FIGNL1: variants seen among roughly 807,000 people sequenced by gnomAD.
The protein encoded by FIGNL1 is fidgetin-like protein 1.
FIGNL1 carries 11 observed loss-of-function variants against 28.9 expected under a neutral mutation model. The ratio of observed to expected loss-of-function variants is 0.38; its 90% CI spans 0.24 to 0.63. The LOEUF is 0.63. Among genes scored for constraint, FIGNL1 ranks in the 20% least tolerant of loss-of-function variants. The pLI is 0.57. For synonymous variants in FIGNL1, 295 were observed against 276.5 expected (o/e 1.07, Z -0.66); for missense variants, 789 against 810.4 (o/e 0.97, Z 0.32).
chr7:50,446,865 C>G lies in FIGNL1; in HGVS notation c.423G>C (p.Lys141Asn). ...TAGGAAGATCAAAGACAGTGGCCTCCTTATGGATTACCACTGATGCAAGAG... is the reference window on the plus strand; with the variant it reads ...TAGGAAGATCAAAGACAGTGGCCTCGTTATGGATTACCACTGATGCAAGAG... ...EPALASVVIHKEATVFDLPKF... is the reference protein window; with the variant it reads ...EPALASVVIHNEATVFDLPKF... The change falls in exon 4 of 4, where the codon AAG (lysine) becomes AAC (asparagine). Residue 141 changes from lysine to asparagine, a missense_variant. Coordinates refer to ENST00000433017, the MANE Select transcript of FIGNL1 (RefSeq NM_001287492.4). The G allele has an allele frequency of 6.2e-7, 1 of 1,614,146 alleles. No homozygotes were observed.
chr7:50,447,214 A>G lies in FIGNL1; in HGVS notation c.74T>C (p.Ile25Thr). ...QKNYFAITSG[I>T]CTGPKADAYR... ...TGCATCTGCCTTCGGTCCGGTACAT[A>G]TGCCAGATGTAATTGCGAAGTAATT... Residue 25 changes from isoleucine (I) to threonine (T), a missense_variant, in exon 4 of 4, where the codon ATA (isoleucine) becomes ACA (threonine). Physicochemically the swap from Ile to Thr is moderately conservative, Grantham distance 89. Coordinates refer to ENST00000433017, the MANE Select transcript of FIGNL1 (RefSeq NM_001287492.4). 2.5e-6 allele frequency: 4 copies of G among 1,612,930 alleles called. No individual in the cohort carries two copies. The highest frequency in any genetic ancestry group is 2.7e-5 in the African/African-American group (2 of 75,066).
Position 50,446,809 on chromosome 7 carries a change from C to G in FIGNL1, c.479G>C (p.Ser160Thr), listed in dbSNP as rs754254246. 5 of 1,614,102 alleles carry G rather than the reference C, an allele frequency of 3.1e-6. No homozygotes were observed. In the East Asian group the frequency reaches 1.1e-4, roughly 36 times the overall value. Reference sequence around the variant, plus strand: ...ATGAGCTGAGTTAGGTAATGAGTCACTCTCTTGAGAACTACCACAAACACT... The same window carrying G: ...ATGAGCTGAGTTAGGTAATGAGTCAGTCTCTTGAGAACTACCACAAACACT... The part of the protein sequence containing the change: ...KFSVCGSSQE[S>T]DSLPNSAHDR... Residue 160 changes from serine to threonine, a missense_variant, in exon 4 of 4, where the codon AGT becomes ACT. Physicochemically the swap from Ser to Thr is moderately conservative, Grantham distance 58. Coordinates refer to ENST00000433017, the MANE Select transcript of FIGNL1 (RefSeq NM_001287492.4).
At position 50,446,076 on chromosome 7, in the gene FIGNL1, T is replaced by C. The variant is rs564355699; in HGVS notation, c.1212A>G (p.Ala404=). 3.1e-6 allele frequency: 5 copies of C among 1,614,206 alleles called. No homozygotes were observed. In the African/African-American group the frequency reaches 6.7e-5, roughly 22 times the overall value. ...TGGTGGCTTTAGCAAATTCTACTCC[T>C]GCAATATCTTCCCAATTTACTGGAG... The part of the protein sequence containing the change: ...HGPPVNWEDI[A]GVEFAKATIK... Residue 404 remains alanine, a synonymous_variant, in exon 4 of 4, where the codon GCA becomes GCG. Transcript: ENST00000433017.
chr7:50,447,760 G>A (rs1031615411), intron 3 of FIGNL1, among the ~76,000 whole-genome samples: 5 of 151,888 alleles, frequency 3.3e-5, no homozygotes, highest in African/African-American at 1.2e-4. Context: ...TTTTGAGACA[G>A]TGTCTCGCTC....
In FIGNL1 at chr7:50,445,357, A is replaced by G. The variant is rs199556436; in HGVS notation, c.1931T>C (p.Phe644Ser). ...TCGCACAGTTCTAAAAGCATTTTCA[A>G]AATCAATGTAAGCTATGGGTCGAAC... Reference protein sequence around the residue: ...DQVRPIAYIDFENAFRTVRPS... With the variant: ...DQVRPIAYIDSENAFRTVRPS... The change falls in exon 4 of 4, where the codon TTT becomes TCT. Residue 644 changes from phenylalanine (F) to serine (S), a missense_variant. Physicochemically the swap from Phe to Ser is radical, Grantham distance 155. Transcript: ENST00000433017. The G allele has an allele frequency of 1.9e-6, 3 of 1,614,018 alleles. No individual in the cohort carries two copies. The highest frequency in any genetic ancestry group is 2.5e-6 in the Non-Finnish European group (3 of 1,180,022).
chr7:50,445,189 C>T lies in FIGNL1; in HGVS notation c.*74G>A. Reference sequence around the variant, plus strand: ...AATATATTCTTAAAAATACAATTAACACATCCCCAACTTTCTATGCTAAAA... The same window carrying T: ...AATATATTCTTAAAAATACAATTAATACATCCCCAACTTTCTATGCTAAAA... On this transcript the variant is annotated 3_prime_UTR_variant, in exon 4 of 4. Transcript: ENST00000433017. The T allele has an allele frequency of 1.1e-6, 1 of 881,968 alleles. No individual in the cohort carries two copies. The highest frequency in any genetic ancestry group is 1.7e-6 in the Non-Finnish European group (1 of 598,740). The allele number at this position is 881,968 out of a possible 1,614,324, so 54.6% of individuals were successfully genotyped here. A position where few individuals can be genotyped will look rare whatever the true frequency, so the allele number is the denominator to read the frequency against.
chr7:50,447,309 A>G lies in FIGNL1; in HGVS notation c.-10-12T>C. ...GCATTTTAGAGGTTCTATAACAAACAATAAAAATGAAAATCAGTATGAAGG... is the reference window on the plus strand; with the variant it reads ...GCATTTTAGAGGTTCTATAACAAACGATAAAAATGAAAATCAGTATGAAGG... On this transcript the variant is annotated splice_polypyrimidine_tract_variant and intron_variant, in intron 3 of 3. Coordinates refer to ENST00000433017, the MANE Select transcript of FIGNL1 (RefSeq NM_001287492.4). 1 of 1,499,050 alleles carries G rather than the reference A, an allele frequency of 6.7e-7. No individual in the cohort carries two copies. Among genetic ancestry groups the G allele is most frequent in the Non-Finnish European group, 9.0e-7 (1 of 1,117,056 alleles). 92.9% of individuals were successfully genotyped at this position (1,499,050 alleles called of 1,614,324 possible). A position where few individuals can be genotyped will look rare whatever the true frequency, so the allele number is the denominator to read the frequency against.
In FIGNL1 at chr7:50,446,675, C is replaced by A. The variant is rs746837397; in HGVS notation, c.613G>T (p.Ala205Ser). 2 of 1,614,214 alleles carry A rather than the reference C, an allele frequency of 1.2e-6. No homozygotes were observed. The highest frequency in any genetic ancestry group is 2.2e-5 in the East Asian group (1 of 44,884). Reference protein sequence around the residue: ...NTARTCPTFSAPVGESATAKF... With the variant: ...NTARTCPTFSSPVGESATAKF... ...GCAGTAGCTGACTCACCTACAGGTG[C>A]TGAGAATGTAGGACAAGTCCTAGCA... The change falls in exon 4 of 4, where the codon GCA (alanine) becomes TCA (serine). Residue 205 changes from alanine to serine, a missense_variant. By Grantham distance (99) the Ala-to-Ser change is moderately conservative. Transcript: ENST00000433017.
In FIGNL1 at chr7:50,445,506, T is replaced by C. The variant is rs537850096; in HGVS notation, c.1782A>G (p.Glu594=). ...EQCCLSEEEI[E]QIVQQSDAFS... ...ACGCATCAGACTGCTGTACAATCTG[T>C]TCAATTTCTTCTTCACTGAGGCAAC... The change falls in exon 4 of 4, where the codon GAA becomes GAG. Residue 594 remains glutamate (E), a synonymous_variant. Transcript: ENST00000433017. 1.2e-6 allele frequency: 2 copies of C among 1,614,198 alleles called. No homozygotes were observed. The highest frequency in any genetic ancestry group is 1.1e-5 in the South Asian group (1 of 91,076).
At position 50,449,419 on chromosome 7, in the gene FIGNL1, T is replaced by C. The variant is rs568013333; in HGVS notation, c.-421A>G. 6.6e-6 allele frequency: 1 copy of C among 152,364 alleles called. No individual in the cohort carries two copies. Among genetic ancestry groups the C allele is most frequent in the South Asian group, 2.1e-4 (1 of 4,830 alleles). The allele number at this position is 152,364 out of a possible 1,614,324, so 9.4% of individuals were successfully genotyped here. ...TTTGCCAATGTTCTGATTATTTTAA[T>C]AATGTCATTATCTGTCTTCCTAGAC... On this transcript the variant is annotated 5_prime_UTR_variant, in exon 2 of 4. Transcript: ENST00000433017.
At position 50,445,576 on chromosome 7, in the gene FIGNL1, G is replaced by A. The variant is rs771846933; in HGVS notation, c.1712C>T (p.Ser571Leu). The A allele has an allele frequency of 3.1e-6, 5 of 1,614,192 alleles. No homozygotes were observed. Among genetic ancestry groups the A allele is most frequent in the Non-Finnish European group, 4.2e-6 (5 of 1,180,040 alleles). ...KRLYIPLPEA[S>L]ARKQIVINLM... ...ATTAATTACTATCTGTTTCCTGGCT[G>A]AAGCTTCTGGGAGGGGAATATAAAG... The change falls in exon 4 of 4, where the codon TCA (serine) becomes TTA (leucine). Residue 571 changes from serine to leucine, a missense_variant. Transcript: ENST00000433017.
chr7:50,445,284 T>G lies in FIGNL1; in HGVS notation c.2004A>C (p.Lys668Asn). 1.3e-6 allele frequency: 2 copies of G among 1,571,696 alleles called. No individual in the cohort carries two copies. The highest frequency in any genetic ancestry group is 2.4e-5 in the South Asian group (2 of 84,068). The change falls in exon 4 of 4, where the codon AAA (lysine) becomes AAC (asparagine). Residue 668 changes from lysine (K) to asparagine (N), a missense_variant. Physicochemically the swap from Lys to Asn is moderately conservative, Grantham distance 94. Transcript: ENST00000433017. ...KDLELYENWN[K>N]TFGCGK is the part of the protein sequence containing the mutation. ...CCACTTACTTTCCACAACCAAAAGT[T>G]TTGTTCCAGTTTTCATAAAGCTCTA...
rs200680678 is a variant in FIGNL1 at position 50,445,366 on chromosome 7, T to C, written c.1922A>G (p.Tyr641Cys). The change falls in exon 4 of 4, where the codon TAC becomes TGC. Residue 641 changes from tyrosine (Y) to cysteine (C), a missense_variant. Coordinates refer to ENST00000433017, the MANE Select transcript of FIGNL1 (RefSeq NM_001287492.4). ...TCTAAAAGCATTTTCAAAATCAATG[T>C]AAGCTATGGGTCGAACTTGATCCGG... The part of the protein sequence containing the change: ...ITPDQVRPIA[Y>C]IDFENAFRTV... 76 of 1,614,032 alleles carry C rather than the reference T, an allele frequency of 4.7e-5. No individual in the cohort carries two copies. In the Middle Eastern group the frequency reaches 1.5e-3, roughly 31 times the overall value.
chr7:50,445,723 G>T lies in FIGNL1; in HGVS notation c.1565C>A (p.Thr522Lys). The T allele has an allele frequency of 6.2e-7, 1 of 1,614,118 alleles. No homozygotes were observed. Among genetic ancestry groups the T allele is most frequent in the Non-Finnish European group, 8.5e-7 (1 of 1,180,026 alleles). Residue 522 changes from threonine (T) to lysine (K), a missense_variant, in exon 4 of 4, where the codon ACA becomes AAA. Coordinates refer to ENST00000433017, the MANE Select transcript of FIGNL1 (RefSeq NM_001287492.4). ...TCCATCTAATTGAACTAAAAATTCT[G>T]TTTTTATCCTTCTAGAAGATTCATG... ...GEHESSRRIK[T>K]EFLVQLDGAT... is the part of the protein sequence containing the mutation.
In FIGNL1 at chr7:50,445,045, C is replaced by T. The variant is rs1280998648; in HGVS notation, c.*218G>A. On this transcript the variant is annotated 3_prime_UTR_variant, in exon 4 of 4. Coordinates refer to ENST00000433017, the MANE Select transcript of FIGNL1 (RefSeq NM_001287492.4). ...GACTTCTTAGAAACAAAAGTTCATT[C>T]TCACTTTGTTCAAATAGGCTTACGT... 2.1e-5 allele frequency: 7 copies of T among 337,350 alleles called. 1 individual carries two copies. The highest frequency in any genetic ancestry group is 4.7e-5 in the Admixed American group (1 of 21,280). The allele number at this position is 337,350 out of a possible 1,614,324, so 20.9% of individuals were successfully genotyped here. A position where few individuals can be genotyped will look rare whatever the true frequency, so the allele number is the denominator to read the frequency against.
At position 50,445,709 on chromosome 7, in the gene FIGNL1, G is replaced by T; in HGVS notation, c.1579C>A (p.Gln527Lys). 1 of 1,614,068 alleles carries T rather than the reference G, an allele frequency of 6.2e-7. No individual in the cohort carries two copies. Among genetic ancestry groups the T allele is most frequent in the Non-Finnish European group, 8.5e-7 (1 of 1,180,012 alleles). The stretch of plus-strand genomic sequence containing the variant: ...GAAGATGTTGTTGCTCCATCTAATT[G>T]AACTAAAAATTCTGTTTTTATCCTT... ...SRRIKTEFLV[Q>K]LDGATTSSED... Residue 527 changes from glutamine (Q) to lysine (K), a missense_variant, in exon 4 of 4, where the codon CAA becomes AAA. Physicochemically the swap from Gln to Lys is moderately conservative, Grantham distance 53. Coordinates refer to ENST00000433017, the MANE Select transcript of FIGNL1 (RefSeq NM_001287492.4).
Position 50,446,200 on chromosome 7 carries a change from G to A in FIGNL1, c.1088C>T (p.Ala363Val). 2 of 1,614,144 alleles carry A rather than the reference G, an allele frequency of 1.2e-6. No individual in the cohort carries two copies. The highest frequency in any genetic ancestry group is 1.7e-6 in the Non-Finnish European group (2 of 1,180,022). Residue 363 changes from alanine (A) to valine (V), a missense_variant, in exon 4 of 4, where the codon GCA becomes GTA. Physicochemically the swap from Ala to Val is moderately conservative, Grantham distance 64. Coordinates refer to ENST00000433017, the MANE Select transcript of FIGNL1 (RefSeq NM_001287492.4). ...NGGMQCKPYG[A>V]GPTEPAHPVD... Reference sequence around the variant, plus strand: ...TGGATGTGCTGGTTCTGTAGGTCCTGCCCCATAAGGCTTACATTGCATTCC... The same window carrying A: ...TGGATGTGCTGGTTCTGTAGGTCCTACCCCATAAGGCTTACATTGCATTCC...
rs1180683013 is a variant in FIGNL1 at position 50,445,648 on chromosome 7, C to T, written c.1640G>A (p.Arg547Gln). ...GGCAGCCTCATCAATTTCTTGTGGCCGATTTGTTGCTCCCACCACTAGGAT... is the reference window on the plus strand; with the variant it reads ...GGCAGCCTCATCAATTTCTTGTGGCTGATTTGTTGCTCCCACCACTAGGAT... ...DRILVVGATN[R>Q]PQEIDEAARR... Residue 547 changes from arginine to glutamine, a missense_variant, in exon 4 of 4, where the codon CGG becomes CAG. Arg to Gln is a conservative substitution (Grantham distance 43, BLOSUM62 1). Transcript: ENST00000433017. 3.1e-6 allele frequency: 5 copies of T among 1,613,874 alleles called. No homozygotes were observed. Among genetic ancestry groups the T allele is most frequent in the Non-Finnish European group, 4.2e-6 (5 of 1,180,004 alleles).
In FIGNL1 at chr7:50,446,898, C is replaced by T; in HGVS notation, c.390G>A (p.Leu130=). 6.2e-7 allele frequency: 1 copy of T among 1,614,186 alleles called. No individual in the cohort carries two copies. The highest frequency in any genetic ancestry group is 8.5e-7 in the Non-Finnish European group (1 of 1,180,030). ...QAGKKFKDSL[L]EPALASVVIH... ...TTACCACTGATGCAAGAGCAGGTTC[C>T]AACAGAGAGTCTTTGAATTTTTTGC... The change falls in exon 4 of 4, where the codon TTG becomes TTA. Residue 130 remains leucine (L), a synonymous_variant. Coordinates refer to ENST00000433017, the MANE Select transcript of FIGNL1 (RefSeq NM_001287492.4).
Sources: gnomAD v4.1 joint callset for allele counts (sites outside exome capture counted in the v4.1 genomes callset) on GRCh38, gnomAD v4.1.1 for gene constraint, MANE v1.5 for transcripts, NCBI Gene and HGNC (gene_info 2026-07-23, HGNC 2026-07-21) for gene names.